The following PCDHGC4 variants were observed in gnomAD, a reference collection of about 807,000 sequenced individuals.
PCDHGC4 encodes the protein protocadherin gamma-C4.
In PCDHGC4, 15 loss-of-function variants were observed where a neutral mutation model predicts 59.7. The ratio of observed to expected loss-of-function variants is 0.25; its 90% CI spans 0.17 to 0.39. The LOEUF (loss-of-function observed/expected upper bound fraction) is 0.39. Among genes scored for constraint, PCDHGC4 ranks in the 10% least tolerant of loss-of-function variants. The pLI, the probability that PCDHGC4 is intolerant of heterozygous loss-of-function variation, is 1.00. For synonymous variants in PCDHGC4, 434 were observed against 481.4 expected (o/e 0.90, Z 1.29); for missense variants, 1,016 against 1,189.5 (o/e 0.85, Z 2.15).
chr5:141,494,901 G>C, intron 2 of PCDHGC4, 36 bp downstream of exon 2: 1 of 1,614,050 alleles, frequency 6.2e-7, no homozygotes, highest in Non-Finnish European at 8.5e-7. Context: ...CCTCTTCTCT[G>C]CGGCATTTTC....
chr5:141,486,030 C>A lies in PCDHGC4; in HGVS notation c.857C>A (p.Pro286His). The A allele has an allele frequency of 6.2e-7, 1 of 1,614,164 alleles. No homozygotes were observed. The highest frequency in any genetic ancestry group is 8.5e-7 in the Non-Finnish European group (1 of 1,180,012). ...ACCTTTTATTTCAGTGGTCATACCC[C>A]TGATCGTGTAAGAAACCTCTTTAGC... ...NVTFYFSGHT[P>H]DRVRNLFSLH... Residue 286 changes from proline to histidine, a missense_variant, in exon 1 of 4, where the codon CCT (proline) becomes CAT (histidine). Pro to His is a moderately conservative substitution (Grantham distance 77, BLOSUM62 -2). Coordinates refer to ENST00000306593, the MANE Select transcript of PCDHGC4 (RefSeq NM_018928.3). The surrounding 1 kb of genome is among the most constrained non-coding windows in gnomAD (Gnocchi z 5.0).
chr5:141,494,948 G>C (rs909146), intron 2 of PCDHGC4, 83 bp downstream of exon 2: 1 of 1,608,226 alleles, frequency 6.2e-7, no homozygotes, highest in South Asian at 1.1e-5. Flanking sequence ...GGAGGGCCCA[G>C]CATTTGCTAC....
intron 3 of PCDHGC4, among the ~76,000 whole-genome samples, chr5:141,508,624 G>A (rs552418899): frequency 3.3e-5 from 5 of 152,256 alleles, no homozygotes; most frequent in African/African-American, 9.6e-5. Context: ...TGGGTGGGCC[G>A]AGCTTCTAGC....
rs889945954 is a variant in PCDHGC4, at chr5:141,489,368, C to A, written c.2442+1753C>A. The A allele has an allele frequency of 2.5e-6, 4 of 1,613,384 alleles. No homozygotes were observed. Among genetic ancestry groups the A allele is most frequent in the Non-Finnish European group, 3.4e-6 (4 of 1,179,478 alleles). On this transcript the variant is annotated intron_variant, in intron 1 of 3. Coordinates refer to ENST00000306593, the MANE Select transcript of PCDHGC4 (RefSeq NM_018928.3). The surrounding 1 kb of genome is among the most constrained non-coding windows in gnomAD (Gnocchi z 4.5). ...GTGGTGGAGGAGTCTGAGCCGGGGA[C>A]GCTGGTGGGGAATGTTGCTCAGGAT...
At chr5:141,503,116 A>G (rs1303445673) in intron 2 of PCDHGC4, among the ~76,000 whole-genome samples, 11 of 151,656 alleles carry the variant, frequency 7.3e-5, no homozygotes, top group Admixed American at 4.6e-4. Flanking sequence ...GCCTCTCTTC[A>G]TACCCTCTGG....
Position 141,485,996 on chromosome 5 carries a change from G to A in PCDHGC4, c.823G>A (p.Gly275Ser), listed in dbSNP as rs114142606. Residue 275 changes from glycine (G) to serine (S), a missense_variant, in exon 1 of 4, where the codon GGT becomes AGT. Gly to Ser is a moderately conservative substitution (Grantham distance 56, BLOSUM62 0). Coordinates refer to ENST00000306593, the MANE Select transcript of PCDHGC4 (RefSeq NM_018928.3). The surrounding 1 kb of genome is among the most constrained non-coding windows in gnomAD (Gnocchi z 5.7). ...CTCAGACCCGGACCTGGGTCCCAGT[G>A]GTAACGTCACCTTTTATTTCAGTGG... ...NASDPDLGPS[G>S]NVTFYFSGHT... The A allele has an allele frequency of 1.6e-4, 256 of 1,614,178 alleles. 1 individual carries two copies. Among genetic ancestry groups the A allele is most frequent in the Middle Eastern group, 1.5e-3 (9 of 6,062 alleles).
Position 141,493,359 on chromosome 5 carries a change from G to A in PCDHGC4, c.2443-1448G>A, listed in dbSNP as rs956980110. Among the ~76,000 whole-genome samples the A allele has an allele frequency of 2.6e-5, 4 of 152,148 alleles. No homozygotes were observed. The highest frequency in any genetic ancestry group is 9.7e-5 in the African/African-American group (4 of 41,418). ...CCAGAATGTGTGCTTTTAATTTCTT[G>A]GCACTTGGAACTTTAAAAGCTTGAG... On this transcript the variant is annotated intron_variant, in intron 1 of 3. Transcript: ENST00000306593. This position sits in a 1 kb window ranked among gnomAD's most constrained non-coding sequence, Gnocchi z 4.3.
chr5:141,501,971 G>A (rs2099812098), intron 2 of PCDHGC4, among the ~76,000 whole-genome samples: 1 of 151,956 alleles, frequency 6.6e-6, no homozygotes. Context: ...CCTAACCTCT[G>A]GCATCTGGTC....
At chr5:141,505,353 G>A (rs376781305) in intron 2 of PCDHGC4, 40 bp from the exon 3 acceptor site, 51 of 1,613,426 alleles carry the variant, frequency 3.2e-5, no homozygotes, top group East Asian at 2.7e-4. Flanking sequence ...GAGCTGTGCC[G>A]GCCTGGGAGT....
intron 1 of PCDHGC4, 108 bp from the exon 2 acceptor site, chr5:141,494,699 T>G: frequency 6.3e-7 from 1 of 1,592,240 alleles, no homozygotes; most frequent in East Asian, 2.3e-5. Context: ...GTCCGTTTTC[T>G]TCTCTGTGCC....
At position 141,490,221 on chromosome 5, in the gene PCDHGC4, G is replaced by A; in HGVS notation, c.2442+2606G>A. 6.2e-7 allele frequency: 1 copy of A among 1,614,236 alleles called. No individual in the cohort carries two copies. The highest frequency in any genetic ancestry group is 1.1e-5 in the South Asian group (1 of 91,084). ...ATGCAAGAGCCCGTGACCAGGGACAGCCTGCCATGGAGGGCCACTGTGTGA... is the reference window on the plus strand; with the variant it reads ...ATGCAAGAGCCCGTGACCAGGGACAACCTGCCATGGAGGGCCACTGTGTGA... On this transcript the variant is annotated intron_variant, in intron 1 of 3. Transcript: ENST00000306593. The surrounding 1 kb of genome is among the most constrained non-coding windows in gnomAD (Gnocchi z 5.4).
intron 3 of PCDHGC4, among the ~76,000 whole-genome samples, chr5:141,510,440 C>T (rs1251795430): frequency 6.6e-6 from 1 of 152,066 alleles, no homozygotes; most frequent in Non-Finnish European, 1.5e-5. Context: ...TGCTGCCCTC[C>T]AGGAGCCCAT....
chr5:141,492,230 C>T (rs1286145654), intron 1 of PCDHGC4, among the ~76,000 whole-genome samples: 1 of 152,196 alleles, frequency 6.6e-6, no homozygotes. Flanking sequence ...CGTGTCCTCC[C>T]TGCTGGCCAC....
chr5:141,491,048 C>G lies in PCDHGC4; in HGVS notation c.2442+3433C>G. On this transcript the variant is annotated intron_variant, in intron 1 of 3. Coordinates refer to ENST00000306593, the MANE Select transcript of PCDHGC4 (RefSeq NM_018928.3). The surrounding 1 kb of genome is among the most constrained non-coding windows in gnomAD (Gnocchi z 6.9). ...GTGGATGCTGATGCAGGCCACAATGCGTGGCTCTCCTACTCACTGTTGCCA... is the reference window on the plus strand; with the variant it reads ...GTGGATGCTGATGCAGGCCACAATGGGTGGCTCTCCTACTCACTGTTGCCA... 1.2e-6 allele frequency: 2 copies of G among 1,614,066 alleles called. No individual in the cohort carries two copies. Among genetic ancestry groups the G allele is most frequent in the Non-Finnish European group, 8.5e-7 (1 of 1,179,952 alleles).
intron 2 of PCDHGC4, among the ~76,000 whole-genome samples, chr5:141,498,068 A>G (rs765582921): frequency 6.6e-6 from 1 of 152,244 alleles, no homozygotes; most frequent in Non-Finnish European, 1.5e-5. Context: ...TGAAACTGTC[A>G]TAAGTGCTAG....
In PCDHGC4 at chr5:141,511,346, C is replaced by T; in HGVS notation, c.*173C>T. 7.1e-7 allele frequency: 1 copy of T among 1,400,168 alleles called. No homozygotes were observed. The allele number at this position is 1,400,168 out of a possible 1,614,324, so 86.7% of individuals were successfully genotyped here. A position where few individuals can be genotyped will look rare whatever the true frequency, so the allele number is the denominator to read the frequency against. On this transcript the variant is annotated 3_prime_UTR_variant, in exon 4 of 4. Transcript: ENST00000306593. ...AGTGCCCAGTCAGCACCTACCCCTT[C>T]CCCCCCAGGGGGTTGAATATGCAAA...
In PCDHGC4 at chr5:141,490,108, C is replaced by A; in HGVS notation, c.2442+2493C>A. The A allele has an allele frequency of 6.2e-7, 1 of 1,614,244 alleles. No homozygotes were observed. The highest frequency in any genetic ancestry group is 8.5e-7 in the Non-Finnish European group (1 of 1,180,034). On this transcript the variant is annotated intron_variant, in intron 1 of 3. Transcript: ENST00000306593. This position sits in a 1 kb window ranked among gnomAD's most constrained non-coding sequence, Gnocchi z 5.4. The stretch of plus-strand genomic sequence containing the variant: ...TGGAGACCACACATCTGAGGCAGTG[C>A]GGAACCTCTTTGGCCTAGACCCTAG...
In PCDHGC4 at chr5:141,487,107, T is replaced by C. The variant is rs1193091014; in HGVS notation, c.1934T>C (p.Ile645Thr). 6.2e-7 allele frequency: 1 copy of C among 1,613,926 alleles called. No individual in the cohort carries two copies. The highest frequency in any genetic ancestry group is 8.5e-7 in the Non-Finnish European group (1 of 1,179,782). Residue 645 changes from isoleucine to threonine, a missense_variant, in exon 1 of 4, where the codon ATT (isoleucine) becomes ACT (threonine). Transcript: ENST00000306593. This position sits in a 1 kb window ranked among gnomAD's most constrained non-coding sequence, Gnocchi z 5.0. ...GACCTCCCACCACAGAAGCTGGTCA[T>C]TGTGGTAAAGGATAGTGGTAGTCCA... ...PADLPPQKLVIVVKDSGSPPL... is the reference protein window; with the variant it reads ...PADLPPQKLVTVVKDSGSPPL...
intron 3 of PCDHGC4, chr5:141,507,335 T>A (rs1228652205): frequency 6.6e-6 from 1 of 151,804 alleles, no homozygotes; most frequent in Non-Finnish European, 1.5e-5. Context: ...TGCTCATTGT[T>A]TACCTGAAAT....
Sources: allele counts gnomAD v4.1 joint callset (sites outside exome capture counted in the v4.1 genomes callset), GRCh38; gene constraint gnomAD v4.1.1; non-coding constraint Gnocchi (gnomAD v3.1); transcripts MANE v1.5; gene names NCBI Gene and HGNC (gene_info 2026-07-23, HGNC 2026-07-21).